Variants in NPM2 observed in about 807,000 individuals in gnomAD.
The protein encoded by NPM2 is nucleoplasmin-2.
In NPM2, 25 loss-of-function variants were observed where a neutral mutation model predicts 32.0. That is an observed-to-expected ratio of 0.78 (90% CI 0.57 to 1.09). NPM2 has a LOEUF of 1.09. Ranked by LOEUF, NPM2 falls within the 50% of genes least tolerant of loss-of-function variation. The pLI is 0.00. For missense variants in NPM2, 282 were observed against 259.9 expected, an observed-to-expected ratio of 1.08 and a Z score of -0.58; for synonymous variants, 111 against 94.2, an observed-to-expected ratio of 1.18 and a Z score of -1.04.
Position 22,036,832 on chromosome 8 carries a change from C to G in NPM2, c.*150C>G, listed in dbSNP as rs1309214083. Reference sequence around the variant, plus strand: ...ATGAGAGCCCCTCACCCCCAACTCTCCACTTTCAGGAGGCCCCCAGTGAAG... The same window carrying G: ...ATGAGAGCCCCTCACCCCCAACTCTGCACTTTCAGGAGGCCCCCAGTGAAG... On this transcript the variant is annotated 3_prime_UTR_variant, in exon 10 of 10. Transcript: ENST00000518119. 4.0e-6 allele frequency: 3 copies of G among 753,998 alleles called. No individual in the cohort carries two copies. Among genetic ancestry groups the G allele is most frequent in the African/African-American group, 1.8e-5 (1 of 55,334 alleles). 46.7% of individuals were successfully genotyped at this position (753,998 alleles called of 1,614,324 possible).
At chr8:22,026,042 C>A (rs28736810) in intron 5 of NPM2, among the ~76,000 whole-genome samples, 3,021 of 152,250 alleles carry the variant, frequency 0.02, 94 homozygotes, top group African/African-American at 0.069. Flanking sequence ...CTGTTAGGAA[C>A]CAGGCAGCAC....
In NPM2 at chr8:22,035,656, G is replaced by A. The variant is rs1053920644; in HGVS notation, c.567-837G>A. On this transcript the variant is annotated intron_variant, in intron 8 of 9. Transcript: ENST00000518119. ...TTTTTAAAAAGAGTTTGACCAGGCC[G>A]GGTACGGTGGCTCACGCCTGTAATC... Among the ~76,000 whole-genome samples, 7 of 152,198 alleles carry A rather than the reference G, an allele frequency of 4.6e-5. No homozygotes were observed. The East Asian group carries it at 5.8e-4, about 13-fold the overall frequency.
rs775564301 is a variant in NPM2, at chr8:22,034,181, A to T, written c.437A>T (p.Asp146Val). ...GAGGAGGAAGAGGAAGAGGAAGATG[A>T]TGAGGATGAGGATGCAGATATATCT... ...GEEEEEEEEDDEDEDADISLE... is the reference protein window; with the variant it reads ...GEEEEEEEEDVEDEDADISLE... Residue 146 changes from aspartate (D) to valine (V), a missense_variant, in exon 7 of 10, where the codon GAT becomes GTT. Transcript: ENST00000518119. The T allele has an allele frequency of 5.0e-6, 8 of 1,612,782 alleles. No homozygotes were observed. The highest frequency in any genetic ancestry group is 5.9e-6 in the Non-Finnish European group (7 of 1,179,540).
At chr8:22,028,219 C>T (rs987050996) in intron 5 of NPM2, among the ~76,000 whole-genome samples, 1 of 152,072 alleles carries the variant, frequency 6.6e-6, no homozygotes, top group South Asian at 2.1e-4. Context: ...GGCTGCTTTT[C>T]CTCCCTAACA....
At position 22,024,398 on chromosome 8, in the gene NPM2, T is replaced by G. The variant is rs1055108883; in HGVS notation, c.-366T>G. ...CCTGCCGGCTGCAGGCCTCCCTTCC[T>G]AAGCTGAGCTGAGGCTTCCTCTCCA... On this transcript the variant is annotated 5_prime_UTR_variant, in exon 1 of 10. The change abolishes the stop of an existing upstream ORF in the 5' untranslated region. Transcript: ENST00000518119. 7.2e-5 allele frequency: 11 copies of G among 152,386 alleles called. No individual in the cohort carries two copies. The highest frequency in any genetic ancestry group is 2.7e-4 in the African/African-American group (11 of 41,468). The allele number at this position is 152,386 out of a possible 1,614,324, so 9.4% of individuals were successfully genotyped here. A position where few individuals can be genotyped will look rare whatever the true frequency, so the allele number is the denominator to read the frequency against.
intron 5 of NPM2, among the ~76,000 whole-genome samples, chr8:22,032,884 A>G (rs569485028): frequency 6.6e-6 from 1 of 152,204 alleles, no homozygotes; most frequent in African/African-American, 2.4e-5. Flanking sequence ...GGGAATGGCC[A>G]TAATTTAGCC....
At chr8:22,034,643 C>CACGT in intron 8 of NPM2, 99 bp downstream of exon 8, 1 of 1,021,394 alleles carries the variant, frequency 9.8e-7, no homozygotes, top group Non-Finnish European at 1.5e-6. Context: ...TACAAATGTA[C>CACGT]ACACGGTGTG....
intron 5 of NPM2, among the ~76,000 whole-genome samples, chr8:22,026,234 C>G (rs1011056703): frequency 2.0e-5 from 3 of 151,982 alleles, no homozygotes; most frequent in African/African-American, 7.3e-5. Context: ...AGTTTCATCC[C>G]AAAACCACCC....
Position 22,034,531 on chromosome 8 carries a change from GAA to G in NPM2, c.554_555del (p.Glu185GlyfsTer8), listed in dbSNP as rs1422889361. ...VAKKKKLEKE[E>X]EEIRASVRDK... ...CCAGAAAAAAAAGCTGGAAAAAGAA[GAA>G]GAGGAAATAAGGTAACTCTTTCTAC... is the stretch of plus-strand genomic sequence containing the variant. On this transcript the variant is annotated frameshift_variant, in exon 8 of 10. Transcript: ENST00000518119. LOFTEE classifies it low-confidence loss of function (END_TRUNC). 1 of 1,611,922 alleles carries G rather than the reference GAA, an allele frequency of 6.2e-7. No homozygotes were observed. The highest frequency in any genetic ancestry group is 2.2e-5 in the East Asian group (1 of 44,880).
At chr8:22,034,004 C>G in intron 6 of NPM2, 105 bp from the exon 7 acceptor site, 3 of 1,469,064 alleles carry the variant, frequency 2.0e-6, no homozygotes, top group Non-Finnish European at 2.7e-6. Flanking sequence ...GGCTAGGATT[C>G]CTCCAGGGCA....
At chr8:22,032,723 A>T (rs946978290) in intron 5 of NPM2, among the ~76,000 whole-genome samples, 3 of 152,010 alleles carry the variant, frequency 2.0e-5, no homozygotes, top group Non-Finnish European at 4.4e-5. Flanking sequence ...AAAGAGAGTG[A>T]GTTCTCTAGT....
Position 22,034,186 on chromosome 8 carries a change from G to A in NPM2, c.442G>A (p.Asp148Asn). Residue 148 changes from aspartate to asparagine, a missense_variant, in exon 7 of 10, where the codon GAT (aspartate) becomes AAT (asparagine). By Grantham distance (23) the Asp-to-Asn change is conservative. Transcript: ENST00000518119. ...GGAAGAGGAAGAGGAAGATGATGAG[G>A]ATGAGGATGCAGATATATCTCTGGA... ...EEEEEEEDDE[D>N]EDADISLEEQ... 1 of 1,613,196 alleles carries A rather than the reference G, an allele frequency of 6.2e-7. No individual in the cohort carries two copies. The highest frequency in any genetic ancestry group is 8.5e-7 in the Non-Finnish European group (1 of 1,179,674).
At chr8:22,030,837 C>A (rs1489116997) in intron 5 of NPM2, among the ~76,000 whole-genome samples, 1 of 152,144 alleles carries the variant, frequency 6.6e-6, no homozygotes, top group African/African-American at 2.4e-5. Flanking sequence ...TGCACCAACA[C>A]ACCCAGCTTT....
intron 4 of NPM2, 45 bp from the exon 5 acceptor site, chr8:22,025,583 GGCTATGGATTTCTCCCGTC>G (rs1333703388): frequency 1.2e-6 from 2 of 1,613,792 alleles, no homozygotes; most frequent in African/African-American, 1.3e-5. Flanking sequence ...CCCAACGGAG[GGCTATGGATTTCTCCCGTC>G]GGCCCTCAGG....
Position 22,025,762 on chromosome 8 carries a change from TC to T in NPM2, c.262del (p.Leu88SerfsTer7), listed in dbSNP as rs1205273135. On this transcript the variant is annotated frameshift_variant, in exon 5 of 10. Transcript: ENST00000518119. LOFTEE classifies it high-confidence loss of function. The part of the protein sequence containing the change: ...PVTIASLQAS[V>X]LPMVSMVGVQ... ...ACCATTGCCTCACTCCAGGCCTCAG[TC>T]CTCCCCATGGTGCGCATTTCCCTGC... is the stretch of plus-strand genomic sequence containing the variant. The T allele has an allele frequency of 6.2e-7, 1 of 1,613,944 alleles. No individual in the cohort carries two copies. Among genetic ancestry groups the T allele is most frequent in the Non-Finnish European group, 8.5e-7 (1 of 1,179,970 alleles).
intron 5 of NPM2, among the ~76,000 whole-genome samples, chr8:22,031,126 CT>C (rs1408689454): frequency 3.3e-5 from 5 of 152,214 alleles, no homozygotes; most frequent in African/African-American, 1.2e-4. Flanking sequence ...CTTGGCAGTA[CT>C]CACTGAGTAA....
At chr8:22,032,860 A>G (rs1800484266) in intron 5 of NPM2, among the ~76,000 whole-genome samples, 1 of 152,034 alleles carries the variant, frequency 6.6e-6, no homozygotes, top group Non-Finnish European at 1.5e-5. Context: ...CAACATAGGA[A>G]TTTGGAGGAT....
intron 5 of NPM2, among the ~76,000 whole-genome samples, chr8:22,028,145 G>A (rs571109445): frequency 1.8e-4 from 27 of 152,188 alleles, no homozygotes; most frequent in African/African-American, 4.3e-4. Flanking sequence ...CTAGGCTGCT[G>A]CCTGGTTTTG....
Position 22,033,196 on chromosome 8 carries a change from G to T in NPM2, c.337G>T (p.Val113Leu), listed in dbSNP as rs528566860. 1.2e-6 allele frequency: 2 copies of T among 1,613,982 alleles called. No individual in the cohort carries two copies. The highest frequency in any genetic ancestry group is 1.7e-6 in the Non-Finnish European group (2 of 1,179,982). ...TFQLRAGSGP[V>L]FLSGQERYEA... ...CCAGCTCCGGGCTGGCTCAGGACCC[G>T]TGTTCCTCAGTGGCCAGGAACGTTA... Residue 113 changes from valine to leucine, a missense_variant, in exon 6 of 10, where the codon GTG (valine) becomes TTG (leucine). Physicochemically the swap from Val to Leu is conservative, Grantham distance 32. Transcript: ENST00000518119.
Sources: gnomAD v4.1 joint callset for allele counts (sites outside exome capture counted in the v4.1 genomes callset) on GRCh38, gnomAD v4.1.1 for gene constraint, MANE v1.5 for transcripts, NCBI Gene and HGNC (gene_info 2026-07-23, HGNC 2026-07-21) for gene names.